NALF1: variants seen among roughly 807,000 people sequenced by gnomAD.
NALF1 encodes the protein family with sequence similarity 155 member A.
NALF1 carries 3 observed loss-of-function variants against 48.4 expected under a neutral mutation model. That is an observed-to-expected ratio of 0.06 (90% confidence interval 0.03 to 0.16). The LOEUF (loss-of-function observed/expected upper bound fraction) is 0.16, where lower values mean the gene tolerates loss of function less well. Among genes scored for constraint, NALF1 ranks in the 10% least tolerant of loss-of-function variants. NALF1 has a pLI of 1.00. For missense variants in NALF1, 526 were observed against 571.5 expected, an observed-to-expected ratio of 0.92 and a Z score of 0.81; for synonymous variants, 262 against 245.7, an observed-to-expected ratio of 1.07 and a Z score of -0.62.
intron 1 of NALF1, among the ~76,000 whole-genome samples, chr13:107,805,352 A>G (rs1878745694): frequency 1.3e-5 from 2 of 152,190 alleles, no homozygotes; most frequent in Admixed American, 6.5e-5. Flanking sequence ...AAAACCTATC[A>G]ATGCTATCAG....
chr13:107,453,632 T>C (rs1431156880), intron 1 of NALF1, among the ~76,000 whole-genome samples: 3 of 152,200 alleles, frequency 2.0e-5, no homozygotes, highest in African/African-American at 7.2e-5. Flanking sequence ...ATTTTCCCCA[T>C]TGTCTTGATA....
intron 1 of NALF1, among the ~76,000 whole-genome samples, chr13:107,398,023 AG>A (rs1273278167): frequency 3.3e-5 from 5 of 152,168 alleles, no homozygotes; most frequent in African/African-American, 4.8e-5. Context: ...CAGCCTGACA[AG>A]GTTCCAGAAG....
At chr13:107,568,734 T>C (rs1220717269) in intron 1 of NALF1, among the ~76,000 whole-genome samples, 1 of 152,250 alleles carries the variant, frequency 6.6e-6, no homozygotes, top group African/African-American at 2.4e-5. Flanking sequence ...ATTTTCAAAC[T>C]GTATATCCTA....
At chr13:107,728,588 G>A (rs1876223485) in intron 1 of NALF1, among the ~76,000 whole-genome samples, 1 of 151,672 alleles carries the variant, frequency 6.6e-6, no homozygotes. Context: ...TGCATGCGGG[G>A]CTTAAAACCT....
chr13:107,308,296 G>A (rs1881979803), intron 1 of NALF1, among the ~76,000 whole-genome samples: 1 of 147,362 alleles, frequency 6.8e-6, no homozygotes. Context: ...CCGTCTCCCG[G>A]GTTCACACCA....
In NALF1 at chr13:107,687,272, A is replaced by C. The variant is rs184307185; in HGVS notation, c.915+178410T>G. On this transcript the variant is annotated intron_variant, in intron 1 of 2. Transcript: ENST00000375915. ...TGGGCACACATGGACATAAAGATGG[A>C]AACAACAGACACTGGGCACTCCAAG... Among the ~76,000 whole-genome samples the C allele has an allele frequency of 2.6e-3, 395 of 152,156 alleles. 2 individuals carry two copies. The highest frequency in any genetic ancestry group is 9.3e-3 in the African/African-American group (388 of 41,526).
intron 1 of NALF1, among the ~76,000 whole-genome samples, chr13:107,638,845 G>A (rs1185483669): frequency 6.6e-6 from 1 of 152,148 alleles, no homozygotes; most frequent in Non-Finnish European, 1.5e-5. Flanking sequence ...GAAGGCTAGT[G>A]AGGCTGGAGA....
intron 1 of NALF1, among the ~76,000 whole-genome samples, chr13:107,677,039 T>C (rs1013775184): frequency 3.7e-5 from 4 of 107,524 alleles, no homozygotes; most frequent in African/African-American, 1.6e-4. Flanking sequence ...ATAGTCCTTG[T>C]TTGTTTTGTT....
intron 1 of NALF1, among the ~76,000 whole-genome samples, chr13:107,580,007 T>C (rs1402100415): frequency 3.3e-5 from 5 of 152,128 alleles, no homozygotes; most frequent in South Asian, 4.2e-4. Flanking sequence ...CGTATGTTTA[T>C]TGCGGCATTA....
intron 1 of NALF1, among the ~76,000 whole-genome samples, chr13:107,669,486 T>G (rs1297668748): frequency 1.3e-5 from 2 of 152,042 alleles, no homozygotes; most frequent in Non-Finnish European, 2.9e-5. Context: ...CAATACAACA[T>G]AAATGAGTCA....
intron 1 of NALF1, among the ~76,000 whole-genome samples, chr13:107,522,729 G>A (rs976562370): frequency 2.0e-5 from 3 of 151,714 alleles, no homozygotes; most frequent in Non-Finnish European, 2.9e-5. Flanking sequence ...TTTGCGTCCC[G>A]AGTAGCTGAG....
At chr13:107,533,893 G>A (rs1876719980) in intron 1 of NALF1, among the ~76,000 whole-genome samples, 1 of 152,050 alleles carries the variant, frequency 6.6e-6, no homozygotes, top group South Asian at 2.1e-4. Context: ...CAAACTGTTT[G>A]AAAATATAGA....
chr13:107,340,432 C>T (rs557220014), intron 1 of NALF1, among the ~76,000 whole-genome samples: 17 of 117,932 alleles, frequency 1.4e-4, no homozygotes, highest in South Asian at 5.3e-4. Flanking sequence ...TGAGTTACGG[C>T]GCCTGACCTT....
intron 1 of NALF1, among the ~76,000 whole-genome samples, chr13:107,231,717 T>C (rs959376622): frequency 6.6e-6 from 1 of 152,232 alleles, no homozygotes; most frequent in Non-Finnish European, 1.5e-5. Context: ...TTTTGTGACT[T>C]GGAATATCAA....
chr13:107,400,466 A>C (rs1253592175), intron 1 of NALF1, among the ~76,000 whole-genome samples: 1 of 152,094 alleles, frequency 6.6e-6, no homozygotes, highest in Admixed American at 6.6e-5. Context: ...CTGTAATCCC[A>C]GCACTTTTGG....
intron 1 of NALF1, among the ~76,000 whole-genome samples, chr13:107,511,973 T>G (rs143762949): frequency 6.6e-5 from 10 of 152,364 alleles, no homozygotes; most frequent in Non-Finnish European, 1.3e-4. Flanking sequence ...TCTGGCTGTC[T>G]TTGATGGCTT....
At chr13:107,364,759 A>G (rs1883121866) in intron 1 of NALF1, among the ~76,000 whole-genome samples, 1 of 151,634 alleles carries the variant, frequency 6.6e-6, no homozygotes, top group Admixed American at 6.6e-5. Flanking sequence ...GTCAGACACA[A>G]GCATCTACCC....
At chr13:107,353,622 A>C (rs9555349) in intron 1 of NALF1, among the ~76,000 whole-genome samples, 29,254 of 152,172 alleles carry the variant, frequency 0.19, 3,022 homozygotes, top group East Asian at 0.38. Context: ...AAATGGTCAG[A>C]AGAAAAACAA....
At position 107,282,325 on chromosome 13, in the gene NALF1, T is replaced by C. The variant is rs1881404953; in HGVS notation, c.916-71570A>G. 2.0e-5 allele frequency among the ~76,000 whole-genome samples: 3 copies of C among 152,204 alleles called. No homozygotes were observed. The East Asian group carries it at 5.8e-4, about 29-fold the overall frequency. On this transcript the variant is annotated intron_variant, in intron 1 of 2. Transcript: ENST00000375915. ...CTATGAATGTTATCCAGAGAGCAAA[T>C]CCTATAAATGAAACATCAAATTTTA...
Sources: gnomAD v4.1 joint callset for allele counts (sites outside exome capture counted in the v4.1 genomes callset) on GRCh38, gnomAD v4.1.1 for gene constraint, MANE v1.5 for transcripts, NCBI Gene and HGNC (gene_info 2026-07-23, HGNC 2026-07-21) for gene names.